Variants in AFF1 observed in about 807,000 individuals in gnomAD.
AFF1 encodes the protein ALF transcription elongation factor 1.
A neutral mutation model predicts 121.7 loss-of-function variants in AFF1; 48 were observed. The ratio of observed to expected loss-of-function variants is 0.39; its 90% CI spans 0.31 to 0.50. The LOEUF (loss-of-function observed/expected upper bound fraction) is 0.50. AFF1 is among the 20% of genes least tolerant of loss of function. The pLI is 0.76. For missense variants in AFF1, 1,523 were observed against 1,511.7 expected (o/e 1.01, Z -0.12); for synonymous variants, 613 against 563.0 (o/e 1.09, Z -1.26).
chr4:87,126,994 G>A (rs1728309825), intron 14 of AFF1, 32 bp from the exon 15 acceptor site: 3 of 1,575,622 alleles, frequency 1.9e-6, no homozygotes, highest in Non-Finnish European at 2.6e-6. Context: ...AAATGTTAGA[G>A]TGTAATCTGT....
rs59568294 is a variant in AFF1, at chr4:86,982,848, C to CAAA, written c.38+34302_38+34304dup. On this transcript the variant is annotated intron_variant, in intron 2 of 20. Coordinates refer to ENST00000395146, the MANE Select transcript of AFF1 (RefSeq NM_001166693.3). Reference sequence around the variant, plus strand: ...GGGCGACAGAGTAAGACTCTGTCTCCAAAAAAAAAAAAAAAAAAAAAAAAA... The same window carrying CAAA: ...GGGCGACAGAGTAAGACTCTGTCTCCAAAAAAAAAAAAAAAAAAAAAAAAAAAA... Among the ~76,000 whole-genome samples the CAAA allele has an allele frequency of 8.2e-4, 44 of 53,808 alleles. 1 individual carries two copies. Among genetic ancestry groups the CAAA allele is most frequent in the African/African-American group, 2.9e-3 (42 of 14,716 alleles). 35.3% of individuals were successfully genotyped at this position (53,808 alleles called of 152,430 possible).
At chr4:87,055,663 A>G (rs1456100915) in intron 4 of AFF1, among the ~76,000 whole-genome samples, 4 of 152,168 alleles carry the variant, frequency 2.6e-5, no homozygotes, top group African/African-American at 7.2e-5. Flanking sequence ...TTTTGAGCCA[A>G]CTGATAATCT....
At position 87,138,677 on chromosome 4, in the gene AFF1, A is replaced by G. The variant is rs925950312; in HGVS notation, c.*2976A>G. ...TATACTGGGTTCGGATTGTGAAAACATTGGCCACCTAGTAGCAGTGGTGAG... is the reference window on the plus strand; with the variant it reads ...TATACTGGGTTCGGATTGTGAAAACGTTGGCCACCTAGTAGCAGTGGTGAG... On this transcript the variant is annotated 3_prime_UTR_variant, in exon 21 of 21. Transcript: ENST00000395146. The G allele has an allele frequency of 4.3e-6, 1 of 231,540 alleles. No homozygotes were observed. The highest frequency in any genetic ancestry group is 8.5e-6 in the Non-Finnish European group (1 of 117,050). The allele number at this position is 231,540 out of a possible 1,614,324, so 14.3% of individuals were successfully genotyped here.
At chr4:86,997,179 T>C (rs1292319954) in intron 2 of AFF1, among the ~76,000 whole-genome samples, 1 of 152,016 alleles carries the variant, frequency 6.6e-6, no homozygotes, top group East Asian at 1.9e-4. Context: ...CCCAAAGTGC[T>C]GGGATTACAG....
intron 2 of AFF1, chr4:87,007,110 G>T: frequency 1.6e-6 from 2 of 1,263,156 alleles, no homozygotes; most frequent in Non-Finnish European, 1.0e-6. Flanking sequence ...TGCGCCGGGG[G>T]CGCTCGCTTG....
chr4:87,068,146 C>G (rs1353131133), intron 4 of AFF1, among the ~76,000 whole-genome samples: 1 of 87,948 alleles, frequency 1.1e-5, no homozygotes, highest in African/African-American at 5.3e-5. Context: ...TGAATTTTTC[C>G]CTCTAGAGTT....
intron 5 of AFF1, among the ~76,000 whole-genome samples, chr4:87,089,382 T>TA (rs1241000377): frequency 1.3e-5 from 2 of 152,218 alleles, no homozygotes; most frequent in African/African-American, 2.4e-5. Context: ...GAGAAAATTG[T>TA]AAAAATTAAG....
chr4:87,002,361 G>T (rs958197378), intron 2 of AFF1, among the ~76,000 whole-genome samples: 7 of 150,590 alleles, frequency 4.6e-5, no homozygotes, highest in African/African-American at 1.7e-4. Context: ...CTCTCAAAGT[G>T]CTGGGATTAC....
intron 2 of AFF1, among the ~76,000 whole-genome samples, chr4:86,956,624 ATCC>A (rs1336956179): frequency 6.6e-6 from 1 of 152,182 alleles, no homozygotes; most frequent in Admixed American, 6.5e-5. Flanking sequence ...GTAACTATTA[ATCC>A]TCAATAATTT....
chr4:86,974,266 G>A (rs1051992968), intron 2 of AFF1, among the ~76,000 whole-genome samples: 4 of 152,230 alleles, frequency 2.6e-5, no homozygotes, highest in African/African-American at 9.6e-5. Flanking sequence ...TCCTGCCTCA[G>A]CCTCCCAAGT....
At chr4:87,060,357 G>A (rs1302781113) in intron 4 of AFF1, among the ~76,000 whole-genome samples, 1 of 152,056 alleles carries the variant, frequency 6.6e-6, no homozygotes, top group Non-Finnish European at 1.5e-5. Context: ...CCTTTAGCAT[G>A]TGTGTGTGTA....
rs1269997650 is a variant in AFF1, at chr4:86,940,564, A to G, written c.-37+5324A>G. ...CAGGCATGTGCCACCACGACCAGCT[A>G]ATTTTTGTATTTTTAGTAGAGACGG... On this transcript the variant is annotated intron_variant, in intron 1 of 20. Transcript: ENST00000395146. Among the ~76,000 whole-genome samples the G allele has an allele frequency of 4.6e-5, 7 of 152,098 alleles. No homozygotes were observed. The South Asian group carries it at 6.2e-4, about 14-fold the overall frequency.
intron 4 of AFF1, among the ~76,000 whole-genome samples, chr4:87,080,359 G>A (rs184054763): frequency 1.3e-5 from 2 of 152,160 alleles, no homozygotes; most frequent in South Asian, 2.1e-4. Flanking sequence ...TTGTCATTTT[G>A]TGTTCTTTAA....
At chr4:86,958,084 T>TG (rs1260052523) in intron 2 of AFF1, among the ~76,000 whole-genome samples, 1 of 120,770 alleles carries the variant, frequency 8.3e-6, no homozygotes, top group Non-Finnish European at 1.6e-5. Context: ...CTTTTTCTTT[T>TG]TTTTTCCTTT....
chr4:87,080,660 T>C (rs1450780669), intron 4 of AFF1, among the ~76,000 whole-genome samples: 3 of 152,210 alleles, frequency 2.0e-5, no homozygotes, highest in Non-Finnish European at 4.4e-5. Flanking sequence ...ACCCCATCTC[T>C]GTAAAAGAAG....
rs78572899 is a variant in AFF1 at position 87,082,586 on chromosome 4, G to T, written c.1060-1534G>T. 0.016 allele frequency among the ~76,000 whole-genome samples: 2,377 copies of T among 152,026 alleles called. 129 individuals are homozygous for T. In the East Asian group the frequency reaches 0.17, roughly 11 times the overall value. On this transcript the variant is annotated intron_variant, in intron 4 of 20. Coordinates refer to ENST00000395146, the MANE Select transcript of AFF1 (RefSeq NM_001166693.3). ...TGTCTGTTTTGAAACTGGGTTACGA[G>T]ACTGGCTAATTTTTGTATTTTTGGT...
At chr4:86,964,884 G>A (rs1722427264) in intron 2 of AFF1, among the ~76,000 whole-genome samples, 1 of 152,004 alleles carries the variant, frequency 6.6e-6, no homozygotes, top group East Asian at 1.9e-4. Flanking sequence ...TCATATATCC[G>A]TCTGAGTCGT....
At chr4:86,971,031 T>C (rs1407403100) in intron 2 of AFF1, among the ~76,000 whole-genome samples, 1 of 152,200 alleles carries the variant, frequency 6.6e-6, no homozygotes, top group Non-Finnish European at 1.5e-5. Context: ...AGTAGCACTC[T>C]TCAAATGCCC....
At chr4:87,030,651 C>G (rs1363955329) in intron 2 of AFF1, among the ~76,000 whole-genome samples, 6 of 148,856 alleles carry the variant, frequency 4.0e-5, no homozygotes, top group African/African-American at 1.2e-4. Flanking sequence ...TTACACTGAG[C>G]TTTTTTTTTT....
Sources: allele counts gnomAD v4.1 joint callset (sites outside exome capture counted in the v4.1 genomes callset), GRCh38; gene constraint gnomAD v4.1.1; transcripts MANE v1.5; gene names NCBI Gene and HGNC (gene_info 2026-07-23, HGNC 2026-07-21).